STXBP2: variants seen among roughly 807,000 people sequenced by gnomAD.
The protein encoded by STXBP2 is syntaxin binding protein 2, also known as syntaxin-binding protein 2.
STXBP2 carries 47 observed loss-of-function variants against 72.2 expected under a neutral mutation model. The ratio of observed to expected loss-of-function variants is 0.65; its 90% CI spans 0.51 to 0.83. The LOEUF (loss-of-function observed/expected upper bound fraction) is 0.83, where lower values mean the gene tolerates loss of function less well. Ranked by LOEUF, STXBP2 falls within the 40% of genes least tolerant of loss-of-function variation. The pLI is 0.00. For synonymous variants in STXBP2, 367 were observed against 338.7 expected, an observed-to-expected ratio of 1.08 and a Z score of -0.92; for missense variants, 702 against 807.6, an observed-to-expected ratio of 0.87 and a Z score of 1.58.
rs200956292 is a variant in STXBP2 at position 7,640,129 on chromosome 19, T to C, written c.246+322T>C. 1,676 of 565,322 alleles carry C rather than the reference T, an allele frequency of 3.0e-3. 50 individuals carry two copies. The East Asian group carries it at 0.05, about 17-fold the overall frequency. The allele number at this position is 565,322 out of a possible 1,614,324, so 35.0% of individuals were successfully genotyped here. A position where few individuals can be genotyped will look rare whatever the true frequency, so the allele number is the denominator to read the frequency against. ...CTGTGCATGTGTGTATGCGTGTGTA[T>C]GTATGTGTGTGTGCATCTGTGTGCA... is the stretch of plus-strand genomic sequence containing the variant. On this transcript the variant is annotated intron_variant, in intron 4 of 18. Coordinates refer to ENST00000221283, the MANE Select transcript of STXBP2 (RefSeq NM_006949.4).
chr19:7,630,501 T>C, the STXBP2 span: 1 of 1,243,220 alleles, frequency 8.0e-7, no homozygotes, highest in East Asian at 2.5e-5. Context: ...GTAGGATGGG[T>C]CCCCCAGGCT....
Position 7,642,454 on chromosome 19 carries a change from G to T in STXBP2, c.820G>T (p.Ala274Ser), listed in dbSNP as rs199971069. Residue 274 changes from alanine (A) to serine (S), a missense_variant, in exon 10 of 19, where the codon GCG becomes TCG. By Grantham distance (99) the Ala-to-Ser change is moderately conservative. Transcript: ENST00000221283. The surrounding 1 kb of genome is among the most constrained non-coding windows in gnomAD (Gnocchi z 6.0). ...GTATGAGACCACCGGGCTGAGCGAG[G>T]CGCGGGAGAAGGCCGTCTTGCTGGA... is the stretch of plus-strand genomic sequence containing the variant. ...YRYETTGLSE[A>S]REKAVLLDED... The T allele has an allele frequency of 7.4e-5, 119 of 1,614,052 alleles. 2 individuals carry two copies. In the Admixed American group the frequency reaches 1.9e-3, roughly 26 times the overall value.
intron 4 of STXBP2, chr19:7,640,036 G>C (rs752933143): frequency 2.1e-5 from 14 of 660,158 alleles, no homozygotes; most frequent in South Asian, 1.4e-4. Context: ...ATGTGTGTGC[G>C]TCTGTGTGTG....
At position 7,647,257 on chromosome 19, in the gene STXBP2, C is replaced by A. The variant is rs139200597; in HGVS notation, c.1538+10C>A. On this transcript the variant is annotated intron_variant, in intron 17 of 18. Transcript: ENST00000221283. ...CCCAGGCCGCTGTCAGGTGAGGCCCCGGGGCCGCCCCCGCCCACGCCTGGG... is the reference window on the plus strand; with the variant it reads ...CCCAGGCCGCTGTCAGGTGAGGCCCAGGGGCCGCCCCCGCCCACGCCTGGG... The A allele has an allele frequency of 1.9e-6, 3 of 1,610,392 alleles. No homozygotes were observed. Among genetic ancestry groups the A allele is most frequent in the East Asian group, 4.5e-5 (2 of 44,836 alleles).
rs751562196 is a variant in STXBP2, at chr19:7,642,223, C to A, written c.684C>A (p.Ser228=). The A allele has an allele frequency of 6.2e-7, 1 of 1,614,182 alleles. No homozygotes were observed. Among genetic ancestry groups the A allele is most frequent in the South Asian group, 1.1e-5 (1 of 91,088 alleles). The change falls in exon 9 of 19, where the codon TCC becomes TCA. Residue 228 remains serine (S), a synonymous_variant. Coordinates refer to ENST00000221283, the MANE Select transcript of STXBP2 (RefSeq NM_006949.4). The surrounding 1 kb of genome is among the most constrained non-coding windows in gnomAD (Gnocchi z 6.0). ...SLGEGPEKTR[S]QLLIMDRAAD... is the part of the protein sequence containing the mutation. Reference sequence around the variant, plus strand: ...CCCAGGGCCCAGAGAAAACCCGCTCCCAGCTGCTGATAATGGACCGGGCAG... The same window carrying A: ...CCCAGGGCCCAGAGAAAACCCGCTCACAGCTGCTGATAATGGACCGGGCAG...
chr19:7,639,152 C>T (rs1568463487), intron 3 of STXBP2, 52 bp downstream of exon 3: 2 of 1,577,500 alleles, frequency 1.3e-6, no homozygotes, highest in Admixed American at 1.7e-5. Flanking sequence ...GAACCCCTGA[C>T]TGTGCCCCTC....
At chr19:7,645,360 G>T in intron 15 of STXBP2, 54 bp downstream of exon 15, 1 of 1,515,120 alleles carries the variant, frequency 6.6e-7, no homozygotes, top group Non-Finnish European at 9.0e-7. Context: ...GATCACAGCC[G>T]GGGCTCTGCA....
chr19:7,640,472 G>A (rs1460440264), intron 4 of STXBP2: 1 of 679,664 alleles, frequency 1.5e-6, no homozygotes, highest in South Asian at 1.5e-5. Context: ...GCATCTCTGT[G>A]TGTGCATGTG....
At chr19:7,633,410 G>A (rs368719664), upstream of STXBP2, 27 of 1,570,336 alleles carry the variant, frequency 1.7e-5, no homozygotes, top group Admixed American at 3.7e-5. Flanking sequence ...CTCTCACCTC[G>A]GCACAGGGGC....
intron 4 of STXBP2, chr19:7,640,215 TCTGC>T (rs1191945608): frequency 7.3e-6 from 4 of 546,666 alleles, no homozygotes; most frequent in Non-Finnish European, 1.4e-5. Flanking sequence ...TATGTATGTG[TCTGC>T]GTCTGTGTGT....
chr19:7,640,421 C>G, intron 4 of STXBP2: 2 of 478,176 alleles, frequency 4.2e-6, no homozygotes, highest in Non-Finnish European at 7.3e-6. Flanking sequence ...TGTATGTGTG[C>G]GCGCGCATCT....
chr19:7,630,688 C>T, the STXBP2 span: 10 of 1,533,568 alleles, frequency 6.5e-6, no homozygotes, highest in Non-Finnish European at 8.7e-6. Context: ...TTTGAGGGTT[C>T]ATTCCAGGGG....
rs771807199 is a variant in STXBP2, at chr19:7,642,487, G to A, written c.853G>A (p.Asp285Asn). 2.5e-6 allele frequency: 4 copies of A among 1,614,068 alleles called. No homozygotes were observed. Among genetic ancestry groups the A allele is most frequent in the South Asian group, 1.1e-5 (1 of 91,086 alleles). Reference protein sequence around the residue: ...REKAVLLDEDDDLWVELRHMH... With the variant: ...REKAVLLDEDNDLWVELRHMH... ...GAAGGCCGTCTTGCTGGACGAGGAC[G>A]ATGACTTGTGGGTGGAGCTTCGCCA... is the stretch of plus-strand genomic sequence containing the variant. The change falls in exon 10 of 19, where the codon GAT (aspartate) becomes AAT (asparagine). Residue 285 changes from aspartate (D) to asparagine (N), a missense_variant. Coordinates refer to ENST00000221283, the MANE Select transcript of STXBP2 (RefSeq NM_006949.4). The surrounding 1 kb of genome is among the most constrained non-coding windows in gnomAD (Gnocchi z 6.0).
upstream of STXBP2, chr19:7,632,997 C>CA (rs1421209818): frequency 2.1e-6 from 3 of 1,423,924 alleles, no homozygotes; most frequent in Admixed American, 8.7e-5. The surrounding 1 kb of genome is among the most constrained non-coding windows in gnomAD (Gnocchi z 5.2). Flanking sequence ...CTGAATGAGA[C>CA]ATGAGTCTCC....
chr19:7,647,489 G>C lies in STXBP2; in HGVS notation c.1674G>C (p.Glu558Asp). The stretch of plus-strand genomic sequence containing the variant: ...CCTACGAGGTGACCAGGGCCACCGA[G>C]GGCAAGTGGGAGGTGCTCATTGGTA... ...RAAYEVTRATEGKWEVLIGSS... is the reference protein window; with the variant it reads ...RAAYEVTRATDGKWEVLIGSS... The change falls in exon 18 of 19, where the codon GAG becomes GAC. Residue 558 changes from glutamate to aspartate, a missense_variant. Coordinates refer to ENST00000221283, the MANE Select transcript of STXBP2 (RefSeq NM_006949.4). The C allele has an allele frequency of 1.2e-6, 2 of 1,604,576 alleles. No homozygotes were observed. Among genetic ancestry groups the C allele is most frequent in the Non-Finnish European group, 1.7e-6 (2 of 1,175,250 alleles).
Position 7,638,757 on chromosome 19 carries a change from G to C in STXBP2, c.69G>C (p.Lys23Asn), listed in dbSNP as rs773489322. The change falls in exon 2 of 19, where the codon AAG becomes AAC. Residue 23 changes from lysine to asparagine, a missense_variant. Coordinates refer to ENST00000221283, the MANE Select transcript of STXBP2 (RefSeq NM_006949.4). ...TGAGCGGAGTTATTCGGAGTGTCAAGAAGGATGGGGAGTGGAAGGTAGGGG... is the reference window on the plus strand; with the variant it reads ...TGAGCGGAGTTATTCGGAGTGTCAACAAGGATGGGGAGTGGAAGGTAGGGG... Reference protein sequence around the residue: ...KILSGVIRSVKKDGEWKVLIM... With the variant: ...KILSGVIRSVNKDGEWKVLIM... 1 of 1,614,162 alleles carries C rather than the reference G, an allele frequency of 6.2e-7. No individual in the cohort carries two copies. The highest frequency in any genetic ancestry group is 2.2e-5 in the East Asian group (1 of 44,882).
At chr19:7,630,662 G>T in the STXBP2 span, 1 of 1,536,778 alleles carries the variant, frequency 6.5e-7, no homozygotes, top group African/African-American at 1.4e-5. Flanking sequence ...AGCGCAAGGT[G>T]GGCATAAGAG....
Position 7,645,240 on chromosome 19 carries a change from T to C in STXBP2, c.1290T>C (p.Asn430=), listed in dbSNP as rs372890572. 1.2e-5 allele frequency: 19 copies of C among 1,579,476 alleles called. No homozygotes were observed. The highest frequency in any genetic ancestry group is 1.1e-4 in the Admixed American group (6 of 55,620). Residue 430 remains asparagine (N), a synonymous_variant, in exon 15 of 19, where the codon AAT becomes AAC. Transcript: ENST00000221283. ...ENLAKLIQHA[N]VQAHSSLIRN... is the part of the protein sequence containing the mutation. ...TGGCCAAGCTGATCCAGCATGCCAATGTACAGGCGCACAGCAGCCTCATCC... is the reference window on the plus strand; with the variant it reads ...TGGCCAAGCTGATCCAGCATGCCAACGTACAGGCGCACAGCAGCCTCATCC...
At chr19:7,637,085 A>G, upstream of STXBP2, 1 of 1,230,534 alleles carries the variant, frequency 8.1e-7, no homozygotes, top group East Asian at 3.2e-5. Flanking sequence ...CACGTGGGTG[A>G]CGCGCGGGGC....
Sources: allele counts gnomAD v4.1 joint callset, GRCh38; gene constraint gnomAD v4.1.1; non-coding constraint Gnocchi (gnomAD v3.1); transcripts MANE v1.5; gene names NCBI Gene and HGNC (gene_info 2026-07-23, HGNC 2026-07-21).